Variants in C13orf46 observed in about 807,000 individuals in gnomAD.
C13orf46 encodes chromosome 13 open reading frame 46.
chr13:113,949,736 G>A (rs1328276236), downstream of C13orf46, among the ~76,000 whole-genome samples: 1 of 152,200 alleles, frequency 6.6e-6, no homozygotes, highest in Non-Finnish European at 1.5e-5. Flanking sequence ...TGCCCACAGA[G>A]GGACCTCGGT....
the C13orf46 span, among the ~76,000 whole-genome samples, chr13:113,946,159 G>A: frequency 6.6e-6 from 1 of 152,226 alleles, no homozygotes; most frequent in African/African-American, 2.4e-5. Flanking sequence ...ATTGGTGACG[G>A]CTTTATTTGC....
chr13:113,936,844 A>C, the C13orf46 span, among the ~76,000 whole-genome samples: 3 of 151,484 alleles, frequency 2.0e-5, no homozygotes, highest in East Asian at 5.8e-4. Context: ...AAAAAACCTG[A>C]AAAGACATCT....
At chr13:113,971,653 C>G (rs894206743) in intron 1 of C13orf46, among the ~76,000 whole-genome samples, 2 of 152,250 alleles carry the variant, frequency 1.3e-5, no homozygotes, top group African/African-American at 4.8e-5. Flanking sequence ...CACCCCACGT[C>G]TCCCGCATCC....
chr13:113,932,262 T>G, the C13orf46 span, among the ~76,000 whole-genome samples: 3 of 152,218 alleles, frequency 2.0e-5, no homozygotes, highest in Non-Finnish European at 2.9e-5. Context: ...AACAGACATG[T>G]CTGGGTCACA....
the C13orf46 span, among the ~76,000 whole-genome samples, chr13:113,944,290 AC>A: frequency 1.3e-5 from 2 of 151,728 alleles, no homozygotes; most frequent in Non-Finnish European, 2.9e-5. Flanking sequence ...CACTGCCGGG[AC>A]CCCCTCCAGT....
downstream of C13orf46, among the ~76,000 whole-genome samples, chr13:113,951,407 A>G (rs2052488139): frequency 6.6e-6 from 1 of 152,098 alleles, no homozygotes; most frequent in African/African-American, 2.4e-5. Flanking sequence ...CCCTTCGTGG[A>G]CTGCGTGTGG....
rs1402944704 is a variant in C13orf46 at position 113,956,438 on chromosome 13, G to A, written c.*335C>T. On this transcript the variant is annotated 3_prime_UTR_variant, in exon 7 of 7. Coordinates refer to ENST00000636427, the MANE Select transcript of C13orf46 (RefSeq NM_001365455.2). Reference sequence around the variant, plus strand: ...GTGGAGAGGAGGAGCATCTTCCCGTGCTTGTTTATTGTGTTTGTTGAAGGT... The same window carrying A: ...GTGGAGAGGAGGAGCATCTTCCCGTACTTGTTTATTGTGTTTGTTGAAGGT... 6.4e-6 allele frequency: 1 copy of A among 156,170 alleles called. No homozygotes were observed. Among genetic ancestry groups the A allele is most frequent in the Admixed American group, 6.5e-5 (1 of 15,312 alleles). 9.7% of individuals were successfully genotyped at this position (156,170 alleles called of 1,614,324 possible). A position where few individuals can be genotyped will look rare whatever the true frequency, so the allele number is the denominator to read the frequency against.
chr13:113,935,502 C>T, the C13orf46 span, among the ~76,000 whole-genome samples: 1 of 152,244 alleles, frequency 6.6e-6, no homozygotes, highest in East Asian at 1.9e-4. Context: ...CCTGATTCTA[C>T]CAACCCTGGC....
chr13:113,938,847 TTCAC>T, the C13orf46 span, among the ~76,000 whole-genome samples: 1 of 152,090 alleles, frequency 6.6e-6, no homozygotes, highest in Admixed American at 6.5e-5. Context: ...CCAAACAGCC[TTCAC>T]TCACTCTCAA....
chr13:113,930,360 GGGCGC>G, the C13orf46 span, among the ~76,000 whole-genome samples: 1 of 80,390 alleles, frequency 1.2e-5, no homozygotes, highest in African/African-American at 6.7e-5. Flanking sequence ...ACCGAGGTGG[GGGCGC>G]AGGAGCACCG....
the C13orf46 span, among the ~76,000 whole-genome samples, chr13:113,929,695 G>A: frequency 1.3e-5 from 2 of 152,196 alleles, no homozygotes; most frequent in Non-Finnish European, 2.9e-5. Context: ...TGGGTGACCC[G>A]CTGTGCCACA....
the C13orf46 span, among the ~76,000 whole-genome samples, chr13:113,933,562 T>A: frequency 9.8e-3 from 1,490 of 152,312 alleles, 50 homozygotes; most frequent in Admixed American, 0.062. Context: ...CTGATTGGGA[T>A]TGTGTTGATT....
chr13:113,973,213 G>A (rs1209070382), intron 1 of C13orf46, among the ~76,000 whole-genome samples: 1 of 152,188 alleles, frequency 6.6e-6, no homozygotes, highest in Non-Finnish European at 1.5e-5. Context: ...CACCCACGAG[G>A]AAATTCCTTG....
chr13:113,930,673 T>C, the C13orf46 span, among the ~76,000 whole-genome samples: 2 of 152,154 alleles, frequency 1.3e-5, no homozygotes, highest in South Asian at 4.1e-4. Context: ...GGAGCCACCA[T>C]CCAGACCACA....
chr13:113,931,110 C>T, the C13orf46 span, among the ~76,000 whole-genome samples: 2 of 152,196 alleles, frequency 1.3e-5, no homozygotes, highest in South Asian at 2.1e-4. Context: ...ACAGGCTTGG[C>T]GAGCCATCCC....
At chr13:113,972,528 G>A (rs1035320275) in intron 1 of C13orf46, among the ~76,000 whole-genome samples, 14 of 152,170 alleles carry the variant, frequency 9.2e-5, no homozygotes, top group Non-Finnish European at 1.0e-4. Context: ...TCGCAGCTCC[G>A]TGTCAGCCCC....
At chr13:113,942,016 C>A in the C13orf46 span, among the ~76,000 whole-genome samples, 1 of 152,214 alleles carries the variant, frequency 6.6e-6, no homozygotes, top group African/African-American at 2.4e-5. Context: ...AGGCTCACCC[C>A]CAGATTTAAT....
downstream of C13orf46, among the ~76,000 whole-genome samples, chr13:113,950,765 G>A (rs997375147): frequency 3.3e-5 from 5 of 152,184 alleles, no homozygotes; most frequent in Admixed American, 1.3e-4. Flanking sequence ...AGCAGGAGCC[G>A]GCGCCCAGGG....
chr13:113,951,874 C>T (rs2052490194), downstream of C13orf46, among the ~76,000 whole-genome samples: 7 of 152,250 alleles, frequency 4.6e-5, no homozygotes, highest in South Asian at 1.4e-3. Flanking sequence ...CTGTGTTCAG[C>T]ACTCCGGACA....
Sources: gnomAD v4.1 joint callset for allele counts (sites outside exome capture counted in the v4.1 genomes callset) on GRCh38, gnomAD v4.1.1 for gene constraint, MANE v1.5 for transcripts, NCBI Gene and HGNC (gene_info 2026-07-23, HGNC 2026-07-21) for gene names.